The following RALYL variants were observed in gnomAD, a reference collection of about 807,000 sequenced individuals.
The protein encoded by RALYL is RNA-binding Raly-like protein.
A neutral mutation model predicts 35.1 loss-of-function variants in RALYL; 29 were observed. The ratio of observed to expected loss-of-function variants is 0.83; its 90% CI spans 0.61 to 1.13. The LOEUF is 1.13. Among genes scored for constraint, RALYL ranks in the 50% most tolerant of loss-of-function variants. RALYL has a pLI of 0.00. For synonymous variants in RALYL, 120 were observed against 127.6 expected (o/e 0.94, Z 0.40); for missense variants, 359 against 360.4 (o/e 1.00, Z 0.03).
At chr8:84,769,441 G>A (rs1814890664) in intron 2 of RALYL, among the ~76,000 whole-genome samples, 1 of 152,112 alleles carries the variant, frequency 6.6e-6, no homozygotes, top group African/African-American at 2.4e-5. Context: ...CTCACAATCT[G>A]CTAAAACCAC....
intron 2 of RALYL, among the ~76,000 whole-genome samples, chr8:84,645,047 G>A (rs896181208): frequency 6.6e-6 from 1 of 151,932 alleles, no homozygotes; most frequent in Admixed American, 6.6e-5. Context: ...ACTGCACCTG[G>A]CCAAGTTTTT....
chr8:84,310,493 G>A lies in RALYL; in HGVS notation c.-24+126069G>A, dbSNP rs570278438. 1.8e-4 allele frequency among the ~76,000 whole-genome samples: 28 copies of A among 151,844 alleles called. 1 individual carries two copies. The South Asian group carries it at 3.3e-3, about 18-fold the overall frequency. On this transcript the variant is annotated intron_variant, in intron 1 of 8. Transcript: ENST00000521268. Reference sequence around the variant, plus strand: ...AAAAATGGAAAACGGCAATAAATCCGAAAAGAAAGAAAATGGAAGGAAGGA... The same window carrying A: ...AAAAATGGAAAACGGCAATAAATCCAAAAAGAAAGAAAATGGAAGGAAGGA...
At chr8:84,396,247 T>A (rs1471122473) in intron 1 of RALYL, among the ~76,000 whole-genome samples, 1 of 152,036 alleles carries the variant, frequency 6.6e-6, no homozygotes, top group Non-Finnish European at 1.5e-5. Context: ...ATTTGAAAGT[T>A]TTACCTTCCC....
chr8:84,894,061 A>C (rs1587025426), intron 8 of RALYL, among the ~76,000 whole-genome samples: 1 of 152,300 alleles, frequency 6.6e-6, no homozygotes, highest in Non-Finnish European at 1.5e-5. Flanking sequence ...CTCAAATCCA[A>C]TCCTGCAGTT....
At chr8:84,339,815 A>G (rs1848470803) in intron 1 of RALYL, among the ~76,000 whole-genome samples, 1 of 152,096 alleles carries the variant, frequency 6.6e-6, no homozygotes, top group Non-Finnish European at 1.5e-5. Flanking sequence ...AAGACAACTT[A>G]GTACGAAATC....
chr8:84,289,052 G>T (rs62526794), intron 1 of RALYL, among the ~76,000 whole-genome samples: 2,565 of 152,224 alleles, frequency 0.017, 37 homozygotes, highest in Middle Eastern at 0.031. Flanking sequence ...GAGGCCATCA[G>T]TGTTTGCTAA....
chr8:84,401,637 C>CAAAAAAAAAAAA (rs71271985), intron 1 of RALYL, among the ~76,000 whole-genome samples: 1 of 17,406 alleles, frequency 5.7e-5, no homozygotes, highest in African/African-American at 1.5e-4. Context: ...GACTCTGTCT[C>CAAAAAAAAAAAA]AAAAAAAAAA....
intron 1 of RALYL, among the ~76,000 whole-genome samples, chr8:84,375,351 A>G (rs1240818097): frequency 6.6e-6 from 1 of 151,844 alleles, no homozygotes; most frequent in African/African-American, 2.4e-5. Flanking sequence ...AAAGAACCAT[A>G]TGATTCTTTA....
At position 84,662,320 on chromosome 8, in the gene RALYL, C is replaced by A. The variant is rs924246012; in HGVS notation, c.257-112259C>A. 2.0e-5 allele frequency among the ~76,000 whole-genome samples: 3 copies of A among 152,052 alleles called. No homozygotes were observed. The East Asian group carries it at 5.8e-4, about 29-fold the overall frequency. On this transcript the variant is annotated intron_variant, in intron 2 of 8. Transcript: ENST00000521268. ...TACCACACATTCACACTAATATATGCTTTAGGTCCTTGATCAGTTTATAGA... is the reference window on the plus strand; with the variant it reads ...TACCACACATTCACACTAATATATGATTTAGGTCCTTGATCAGTTTATAGA...
At position 84,402,027 on chromosome 8, in the gene RALYL, G is replaced by C. The variant is rs2042971073; in HGVS notation, c.-23-127272G>C. ...GTCTCCCTACTTTTTGATGGCCCTTGTATAATCTCTTGAACACAAGCTTGA... is the reference window on the plus strand; with the variant it reads ...GTCTCCCTACTTTTTGATGGCCCTTCTATAATCTCTTGAACACAAGCTTGA... On this transcript the variant is annotated intron_variant, in intron 1 of 8. Coordinates refer to ENST00000521268, the MANE Select transcript of RALYL (RefSeq NM_173848.7). Among the ~76,000 whole-genome samples the C allele has an allele frequency of 2.0e-5, 3 of 152,044 alleles. No individual in the cohort carries two copies. In the South Asian group the frequency reaches 6.2e-4, roughly 32 times the overall value.
chr8:84,756,233 C>T (rs539855352), intron 2 of RALYL, among the ~76,000 whole-genome samples: 8 of 151,992 alleles, frequency 5.3e-5, no homozygotes, highest in African/African-American at 9.6e-5. Context: ...TTCCAGATGC[C>T]GAATTTCTAA....
chr8:84,620,559 GTAATT>G, intron 2 of RALYL, among the ~76,000 whole-genome samples: 1 of 152,234 alleles, frequency 6.6e-6, no homozygotes, highest in Admixed American at 6.5e-5. Flanking sequence ...GTAGCTCAGA[GTAATT>G]TGATCATCTG....
At chr8:84,355,396 A>T (rs1364184532) in intron 1 of RALYL, among the ~76,000 whole-genome samples, 1 of 150,444 alleles carries the variant, frequency 6.6e-6, no homozygotes, top group African/African-American at 2.5e-5. Flanking sequence ...TTCCAAATAT[A>T]TGGGTTAGGA....
intron 2 of RALYL, among the ~76,000 whole-genome samples, chr8:84,763,452 T>C (rs1038739238): frequency 2.0e-5 from 3 of 152,236 alleles, no homozygotes; most frequent in Non-Finnish European, 4.4e-5. Flanking sequence ...GATGAATATA[T>C]AGCTGAGATT....
intron 2 of RALYL, among the ~76,000 whole-genome samples, chr8:84,701,968 A>G (rs1477910573): frequency 6.7e-6 from 1 of 150,364 alleles, no homozygotes; most frequent in Non-Finnish European, 1.5e-5. Flanking sequence ...TCAGGACACT[A>G]TGTCTCGCCC....
intron 2 of RALYL, among the ~76,000 whole-genome samples, chr8:84,664,488 T>C (rs1373064910): frequency 1.3e-5 from 2 of 152,024 alleles, no homozygotes; most frequent in Non-Finnish European, 2.9e-5. Context: ...TCCATTTGTT[T>C]GTGTGATCTC....
chr8:84,647,901 G>C (rs190070726), intron 2 of RALYL, among the ~76,000 whole-genome samples: 11 of 152,192 alleles, frequency 7.2e-5, no homozygotes, highest in Admixed American at 1.3e-4. Flanking sequence ...TTAGTGCAAG[G>C]TGCTTAATCA....
At chr8:84,453,521 A>AC (rs1292083829) in intron 1 of RALYL, among the ~76,000 whole-genome samples, 5 of 152,046 alleles carry the variant, frequency 3.3e-5, no homozygotes, top group African/African-American at 4.8e-5. Flanking sequence ...AGAGTTTAAT[A>AC]TCTAACGAGA....
chr8:84,659,400 C>T (rs558236284), intron 2 of RALYL, among the ~76,000 whole-genome samples: 27 of 152,196 alleles, frequency 1.8e-4, no homozygotes, highest in African/African-American at 5.1e-4. Context: ...CATTGTACCC[C>T]TCCCTGGATC....
Sources: allele counts gnomAD v4.1 joint callset (sites outside exome capture counted in the v4.1 genomes callset), GRCh38; gene constraint gnomAD v4.1.1; transcripts MANE v1.5; gene names NCBI Gene and HGNC (gene_info 2026-07-23, HGNC 2026-07-21).